The following ENOX1 variants were observed in gnomAD, a reference collection of about 807,000 sequenced individuals.
ENOX1 encodes the protein ecto-NOX disulfide-thiol exchanger 1.
In ENOX1, 42 loss-of-function variants were observed where a neutral mutation model predicts 82.5. That is an observed-to-expected ratio of 0.51 (90% confidence interval 0.40 to 0.66). ENOX1 has a LOEUF of 0.66. ENOX1 is among the 30% of genes least tolerant of loss of function. ENOX1 has a pLI of 0.00. For synonymous variants in ENOX1, 271 were observed against 282.2 expected, an observed-to-expected ratio of 0.96 and a Z score of 0.40; for missense variants, 608 against 811.6, an observed-to-expected ratio of 0.75 and a Z score of 3.05.
At chr13:43,250,765 A>G (rs2043408808) in intron 14 of ENOX1, among the ~76,000 whole-genome samples, 1 of 152,236 alleles carries the variant, frequency 6.6e-6, no homozygotes, top group Admixed American at 6.5e-5. Context: ...CTATCAAAGA[A>G]TGTAGGAGTC....
intron 3 of ENOX1, among the ~76,000 whole-genome samples, chr13:43,420,298 G>A (rs1313276367): frequency 6.6e-6 from 1 of 152,176 alleles, no homozygotes; most frequent in Non-Finnish European, 1.5e-5. Context: ...TCTGCTTCCT[G>A]TAATGATAAA....
chr13:43,610,431 C>T (rs772405474), intron 2 of ENOX1, among the ~76,000 whole-genome samples: 7 of 151,978 alleles, frequency 4.6e-5, no homozygotes, highest in Non-Finnish European at 1.0e-4. Flanking sequence ...GGTTTGGTAC[C>T]CATTCAAAAT....
intron 15 of ENOX1, among the ~76,000 whole-genome samples, chr13:43,234,492 A>G (rs181789539): frequency 3.5e-4 from 54 of 152,312 alleles, no homozygotes; most frequent in African/African-American, 1.3e-3. Flanking sequence ...TTGATTCAAA[A>G]TAAGTGTCAC....
chr13:43,226,001 TAAAAATATCTTTAAGTGGAA>T (rs1352317709), intron 15 of ENOX1, among the ~76,000 whole-genome samples: 1 of 152,210 alleles, frequency 6.6e-6, no homozygotes, highest in Non-Finnish European at 1.5e-5. Flanking sequence ...GATGATACTT[TAAAAATATCTTTAAGTGGAA>T]AAATAGCCAC....
chr13:43,307,274 G>A, intron 11 of ENOX1, among the ~76,000 whole-genome samples: 1 of 152,192 alleles, frequency 6.6e-6, no homozygotes, highest in East Asian at 1.9e-4. Flanking sequence ...TAACCAAGGT[G>A]GGAGGACCCA....
At chr13:43,527,506 A>G (rs557646164) in intron 2 of ENOX1, among the ~76,000 whole-genome samples, 1 of 152,272 alleles carries the variant, frequency 6.6e-6, no homozygotes, top group African/African-American at 2.4e-5. Context: ...TTTTTAAAAA[A>G]TATATTGATT....
intron 1 of ENOX1, among the ~76,000 whole-genome samples, chr13:43,691,614 T>A (rs1407413900): frequency 6.6e-6 from 1 of 151,668 alleles, no homozygotes; most frequent in African/African-American, 2.4e-5. Flanking sequence ...ATGTACCTCC[T>A]CATTAATCAC....
At chr13:43,216,192 C>T (rs953598174) in intron 16 of ENOX1, among the ~76,000 whole-genome samples, 2 of 149,102 alleles carry the variant, frequency 1.3e-5, no homozygotes, top group African/African-American at 2.4e-5. Flanking sequence ...AGAGAGACTC[C>T]GTCTCAAAAA....
At chr13:43,277,979 C>T (rs1439117570) in intron 12 of ENOX1, among the ~76,000 whole-genome samples, 1 of 152,082 alleles carries the variant, frequency 6.6e-6, no homozygotes. Flanking sequence ...GGGGCCTGGG[C>T]TACCTGCCTT....
chr13:43,707,529 A>C (rs1468724123), intron 1 of ENOX1, among the ~76,000 whole-genome samples: 1 of 152,092 alleles, frequency 6.6e-6, no homozygotes, highest in African/African-American at 2.4e-5. Flanking sequence ...AGGTCAAGAG[A>C]TCGAGACCAT....
At chr13:43,625,597 T>C (rs2082930008) in intron 2 of ENOX1, among the ~76,000 whole-genome samples, 1 of 152,036 alleles carries the variant, frequency 6.6e-6, no homozygotes, top group African/African-American at 2.4e-5. Flanking sequence ...TCAATCGATA[T>C]GATCACGTGG....
At chr13:43,376,141 A>C (rs1490834773) in intron 5 of ENOX1, among the ~76,000 whole-genome samples, 1 of 152,252 alleles carries the variant, frequency 6.6e-6, no homozygotes, top group Non-Finnish European at 1.5e-5. Flanking sequence ...TAACCAAAAC[A>C]GATCTTCATG....
intron 2 of ENOX1, chr13:43,544,326 T>C (rs1432152193): frequency 6.6e-6 from 1 of 152,214 alleles, no homozygotes; most frequent in Non-Finnish European, 1.5e-5. Flanking sequence ...TCTAGATTGT[T>C]GTAAGGAGTG....
chr13:43,713,320 T>C (rs2087869033), intron 1 of ENOX1, among the ~76,000 whole-genome samples: 1 of 152,216 alleles, frequency 6.6e-6, no homozygotes, highest in Admixed American at 6.5e-5. Flanking sequence ...TTTGCCAGTA[T>C]TTTATTGAGG....
intron 2 of ENOX1, among the ~76,000 whole-genome samples, chr13:43,610,472 T>C (rs1327471724): frequency 6.6e-6 from 1 of 152,178 alleles, no homozygotes; most frequent in African/African-American, 2.4e-5. Context: ...TCAACATTTA[T>C]TAGATGGAGT....
At chr13:43,267,514 C>T (rs1396978476) in intron 13 of ENOX1, among the ~76,000 whole-genome samples, 2 of 152,202 alleles carry the variant, frequency 1.3e-5, no homozygotes, top group African/African-American at 4.8e-5. Flanking sequence ...TCCAAATCTG[C>T]AGAGCAGGGT....
At chr13:43,655,079 G>A (rs2084368691) in intron 2 of ENOX1, among the ~76,000 whole-genome samples, 1 of 152,126 alleles carries the variant, frequency 6.6e-6, no homozygotes, top group Non-Finnish European at 1.5e-5. Context: ...CCACTGCTGT[G>A]TTCACTGATG....
intron 1 of ENOX1, among the ~76,000 whole-genome samples, chr13:43,713,177 GT>G (rs1461134249): frequency 2.0e-5 from 3 of 152,130 alleles, no homozygotes; most frequent in Non-Finnish European, 4.4e-5. Context: ...TAATTATGTG[GT>G]TTTTGTCTTT....
At chr13:43,641,315 C>G (rs2083638145) in intron 2 of ENOX1, among the ~76,000 whole-genome samples, 1 of 151,960 alleles carries the variant, frequency 6.6e-6, no homozygotes, top group Non-Finnish European at 1.5e-5. Flanking sequence ...GAAACAAGAA[C>G]CAAATCCAGG....
Sources: gnomAD v4.1 joint callset for allele counts (sites outside exome capture counted in the v4.1 genomes callset) on GRCh38, gnomAD v4.1.1 for gene constraint, MANE v1.5 for transcripts, NCBI Gene and HGNC (gene_info 2026-07-23, HGNC 2026-07-21) for gene names.